The following ZNF420 variants were observed in gnomAD, a reference collection of about 807,000 sequenced individuals.
ZNF420 encodes zinc finger protein 420.
Under a neutral mutation model 44.7 loss-of-function variants are expected in ZNF420, and 31 were observed. That is an observed-to-expected ratio of 0.69 (90% CI 0.52 to 0.94). The LOEUF (loss-of-function observed/expected upper bound fraction) is 0.94, where lower values mean the gene tolerates loss of function less well. Ranked by LOEUF, ZNF420 falls within the 40% of genes least tolerant of loss-of-function variation. The probability of loss-of-function intolerance (pLI) is 0.00; values close to 1 mark genes in which losing one functional copy is unlikely to be tolerated. For synonymous variants in ZNF420, 245 were observed against 267.4 expected (o/e 0.92, Z 0.82); for missense variants, 681 against 827.9 (o/e 0.82, Z 2.18).
intron 1 of ZNF420, among the ~76,000 whole-genome samples, chr19:37,028,842 A>C (rs942572695): frequency 5.3e-5 from 8 of 152,206 alleles, no homozygotes; most frequent in Non-Finnish European, 1.2e-4. Flanking sequence ...TGGCAAGGCT[A>C]TGTGGCCAGG....
intron 1 of ZNF420, among the ~76,000 whole-genome samples, chr19:37,029,554 CTT>C (rs1017561340): frequency 7.0e-6 from 1 of 142,906 alleles, no homozygotes. Context: ...TTTTCTTTTA[CTT>C]TTTTTTTTTG....
intron 4 of ZNF420, among the ~76,000 whole-genome samples, chr19:37,121,333 T>C (rs1460968241): frequency 1.4e-5 from 2 of 146,016 alleles, no homozygotes; most frequent in African/African-American, 2.6e-5. Context: ...TATCTACAAC[T>C]ATCTGATCTT....
intron 1 of ZNF420, among the ~76,000 whole-genome samples, chr19:37,064,026 C>G (rs909326252): frequency 8.5e-5 from 13 of 152,110 alleles, no homozygotes; most frequent in Admixed American, 7.2e-4. Context: ...TTGGTTTTCT[C>G]TGATGTTTCC....
intron 4 of ZNF420, among the ~76,000 whole-genome samples, chr19:37,113,203 C>T (rs1031822201): frequency 6.6e-6 from 1 of 152,160 alleles, no homozygotes; most frequent in African/African-American, 2.4e-5. Flanking sequence ...CCTTTTTTAC[C>T]TCTTGGACAT....
At chr19:37,021,957 A>C (rs1036884950) in intron 1 of ZNF420, among the ~76,000 whole-genome samples, 33 of 149,138 alleles carry the variant, frequency 2.2e-4, no homozygotes, top group African/African-American at 7.6e-4. Context: ...AAAAAAAAAA[A>C]AAAAAAGAAA....
chr19:37,083,140 T>C (rs914612074), intron 2 of ZNF420, among the ~76,000 whole-genome samples: 2 of 151,222 alleles, frequency 1.3e-5, no homozygotes, highest in Non-Finnish European at 2.9e-5. Flanking sequence ...ATTACAGGCG[T>C]GAGCCACCAT....
chr19:37,105,543 G>C (rs1170881119), intron 4 of ZNF420, among the ~76,000 whole-genome samples: 2 of 152,150 alleles, frequency 1.3e-5, no homozygotes, highest in East Asian at 1.9e-4. Context: ...AAAGTCATTG[G>C]TAGCTTGATG....
intron 4 of ZNF420, among the ~76,000 whole-genome samples, chr19:37,108,891 A>G (rs1480738123): frequency 1.3e-5 from 2 of 152,190 alleles, no homozygotes; most frequent in African/African-American, 4.8e-5. Flanking sequence ...TCATTTTGTA[A>G]TATCACCACA....
At chr19:37,015,343 A>T (rs1345730232) in intron 1 of ZNF420, among the ~76,000 whole-genome samples, 2 of 151,958 alleles carry the variant, frequency 1.3e-5, no homozygotes, top group Admixed American at 6.6e-5. Flanking sequence ...AGGGGTCCAA[A>T]TCATCTCCCC....
intron 1 of ZNF420, among the ~76,000 whole-genome samples, chr19:37,057,046 C>A (rs1004640434): frequency 3.3e-5 from 5 of 152,244 alleles, no homozygotes; most frequent in Non-Finnish European, 5.9e-5. Context: ...GTGAGTCCCA[C>A]GGTTGCCTGA....
intron 4 of ZNF420, among the ~76,000 whole-genome samples, chr19:37,123,170 T>TAC (rs1463980819): frequency 6.6e-6 from 1 of 152,216 alleles, no homozygotes. Context: ...CCTCCACCCT[T>TAC]ACCTCCACCA....
intron 1 of ZNF420, among the ~76,000 whole-genome samples, chr19:37,017,322 G>A (rs2074615360): frequency 6.6e-6 from 1 of 152,176 alleles, no homozygotes; most frequent in South Asian, 2.1e-4. Flanking sequence ...GAATTGAAGT[G>A]CAGGATGCCC....
At chr19:37,070,435 AAC>A (rs1252053263) in intron 1 of ZNF420, among the ~76,000 whole-genome samples, 10 of 152,200 alleles carry the variant, frequency 6.6e-5, no homozygotes, top group African/African-American at 2.4e-4. Flanking sequence ...CTGACATTAA[AAC>A]AGAGAATTTC....
At chr19:37,040,729 G>A (rs1462850399) in intron 1 of ZNF420, among the ~76,000 whole-genome samples, 1 of 152,102 alleles carries the variant, frequency 6.6e-6, no homozygotes, top group East Asian at 1.9e-4. Flanking sequence ...AGGTATAACT[G>A]GACAAATTAA....
chr19:37,053,841 C>T (rs538182609), intron 1 of ZNF420, among the ~76,000 whole-genome samples: 1 of 152,304 alleles, frequency 6.6e-6, no homozygotes, highest in South Asian at 2.1e-4. Context: ...TGTCCATTCT[C>T]AGATCTCCAG....
Position 37,091,129 on chromosome 19 carries a change from A to G in ZNF420, c.136+8A>G, listed in dbSNP as rs1969120821. The G allele has an allele frequency of 6.4e-7, 1 of 1,558,924 alleles. No individual in the cohort carries two copies. The highest frequency in any genetic ancestry group is 8.7e-7 in the Non-Finnish European group (1 of 1,154,486). On this transcript the variant is annotated splice_region_variant and intron_variant, in intron 4 of 4. Coordinates refer to ENST00000337995, the MANE Select transcript of ZNF420 (RefSeq NM_144689.5). Reference sequence around the variant, plus strand: ...GCAACTTGGTATCACTAGGTAAGGAATCTAGCCTTCATATTTCAGGATCTA... The same window carrying G: ...GCAACTTGGTATCACTAGGTAAGGAGTCTAGCCTTCATATTTCAGGATCTA...
chr19:37,129,747 T>TAAA lies in ZNF420; in HGVS notation c.*700_*702dup, dbSNP rs34839210. On this transcript the variant is annotated 3_prime_UTR_variant, in exon 5 of 5. Coordinates refer to ENST00000337995, the MANE Select transcript of ZNF420 (RefSeq NM_144689.5). The stretch of plus-strand genomic sequence containing the variant: ...CCAGTGGATATAATCAGTGTATTAT[T>TAAA]AAAAAAAAAAAAACCCAGTGGATGT... 2 of 166,874 alleles carry TAAA rather than the reference T, an allele frequency of 1.2e-5. No individual in the cohort carries two copies. Among genetic ancestry groups the TAAA allele is most frequent in the South Asian group, 1.7e-4 (1 of 5,752 alleles). 10.3% of individuals were successfully genotyped at this position (166,874 alleles called of 1,614,324 possible). A position where few individuals can be genotyped will look rare whatever the true frequency, so the allele number is the denominator to read the frequency against.
At chr19:37,053,468 GTT>G (rs1163062099) in intron 1 of ZNF420, among the ~76,000 whole-genome samples, 2 of 152,152 alleles carry the variant, frequency 1.3e-5, no homozygotes, top group African/African-American at 2.4e-5. Context: ...TTTCTGCTCT[GTT>G]TTTTCCCCAT....
intron 4 of ZNF420, among the ~76,000 whole-genome samples, chr19:37,116,650 C>A (rs546751003): frequency 8.5e-5 from 13 of 152,218 alleles, no homozygotes; most frequent in Admixed American, 2.0e-4. Flanking sequence ...CGAAGCAGGG[C>A]GAGGCATTAC....
Sources: gnomAD v4.1 joint callset for allele counts (sites outside exome capture counted in the v4.1 genomes callset) on GRCh38, gnomAD v4.1.1 for gene constraint, MANE v1.5 for transcripts, NCBI Gene and HGNC (gene_info 2026-07-23, HGNC 2026-07-21) for gene names.